Variants in NPAS3 observed in about 807,000 individuals in gnomAD.
NPAS3 encodes neuronal PAS domain protein 3.
Under a neutral mutation model 73.1 loss-of-function variants are expected in NPAS3, and 14 were observed. The observed-to-expected ratio is 0.19, with a 90% CI of 0.13 to 0.30. The LOEUF (loss-of-function observed/expected upper bound fraction) is 0.30. Ranked by LOEUF, NPAS3 falls within the 10% of genes least tolerant of loss-of-function variation. The pLI, the probability that NPAS3 is intolerant of heterozygous loss-of-function variation, is 1.00. For synonymous variants in NPAS3, 620 were observed against 541.5 expected (o/e 1.14, Z -2.01); for missense variants, 1,096 against 1,250.0 (o/e 0.88, Z 1.86).
At chr14:33,384,365 A>G (rs1340131992) in intron 4 of NPAS3, among the ~76,000 whole-genome samples, 1 of 151,774 alleles carries the variant, frequency 6.6e-6, no homozygotes, top group Non-Finnish European at 1.5e-5. Flanking sequence ...GTATTCACAC[A>G]GTATTATTTT....
intron 4 of NPAS3, among the ~76,000 whole-genome samples, chr14:33,476,240 T>C (rs2051031193): frequency 6.6e-6 from 1 of 152,230 alleles, no homozygotes; most frequent in South Asian, 2.1e-4. Flanking sequence ...AAAATATGTT[T>C]TTGACACAGT....
intron 3 of NPAS3, among the ~76,000 whole-genome samples, chr14:33,259,950 A>G (rs1306681258): frequency 6.6e-6 from 1 of 151,930 alleles, no homozygotes; most frequent in Non-Finnish European, 1.5e-5. Flanking sequence ...GCCAAAGAGG[A>G]GGAAACGAAA....
At chr14:32,978,410 T>C (rs2037774594) in intron 1 of NPAS3, among the ~76,000 whole-genome samples, 1 of 152,148 alleles carries the variant, frequency 6.6e-6, no homozygotes, top group African/African-American at 2.4e-5. Flanking sequence ...GTATTTTGCG[T>C]GAATAGAGTC....
At chr14:33,439,385 T>C (rs2049135007) in intron 4 of NPAS3, among the ~76,000 whole-genome samples, 1 of 152,218 alleles carries the variant, frequency 6.6e-6, no homozygotes, top group Non-Finnish European at 1.5e-5. Context: ...AAATTCATTG[T>C]AGTAAACACA....
intron 3 of NPAS3, among the ~76,000 whole-genome samples, chr14:33,230,946 G>A (rs1566703649): frequency 6.6e-6 from 1 of 152,104 alleles, no homozygotes; most frequent in Non-Finnish European, 1.5e-5. Context: ...CCGTGATTGT[G>A]GGAAGTTGCT....
At chr14:33,193,532 C>T (rs2046244439) in intron 2 of NPAS3, among the ~76,000 whole-genome samples, 1 of 152,124 alleles carries the variant, frequency 6.6e-6, no homozygotes, top group Non-Finnish European at 1.5e-5. Flanking sequence ...TAGAGGATGA[C>T]ATAGTGAGTG....
intron 2 of NPAS3, among the ~76,000 whole-genome samples, chr14:33,192,627 C>A (rs1292022848): frequency 2.0e-5 from 3 of 152,110 alleles, no homozygotes; most frequent in Admixed American, 2.0e-4. Flanking sequence ...GGGCATCTTA[C>A]CTTCATACGG....
intron 4 of NPAS3, among the ~76,000 whole-genome samples, chr14:33,391,815 TG>T (rs905042749): frequency 5.3e-5 from 8 of 152,218 alleles, no homozygotes; most frequent in African/African-American, 1.9e-4. Flanking sequence ...TGCTCACCCT[TG>T]GGTATATTGA....
rs771953608 is a variant in NPAS3, at chr14:33,800,149, C to G, written c.1842C>G (p.Arg614=). 1.9e-6 allele frequency: 3 copies of G among 1,595,722 alleles called. No homozygotes were observed. The highest frequency in any genetic ancestry group is 8.5e-7 in the Non-Finnish European group (1 of 1,172,274). The change falls in exon 12 of 12, where the codon CGC becomes CGG. Residue 614 remains arginine (R), a synonymous_variant. Coordinates refer to ENST00000356141, the Ensembl canonical transcript of NPAS3. The surrounding 1 kb of genome is among the most constrained non-coding windows in gnomAD (Gnocchi z 6.5). ...GGCAAAAGGGCGGCAGCGCCAGCCG[C>G]CGGCGCCTGTCCAGCGCGTCGAGCC...
chr14:33,732,770 C>T (rs569975934), intron 6 of NPAS3, among the ~76,000 whole-genome samples: 1 of 152,246 alleles, frequency 6.6e-6, no homozygotes, highest in South Asian at 2.1e-4. Flanking sequence ...TAACGTTGCC[C>T]CTGTATGTTT....
chr14:32,978,193 T>C (rs1298754617), intron 1 of NPAS3, among the ~76,000 whole-genome samples: 1 of 152,130 alleles, frequency 6.6e-6, no homozygotes, highest in Non-Finnish European at 1.5e-5. Flanking sequence ...AAGGGTCTAG[T>C]TTTTAGCTAT....
chr14:33,156,913 A>T (rs1200116236), intron 2 of NPAS3, among the ~76,000 whole-genome samples: 3 of 152,200 alleles, frequency 2.0e-5, no homozygotes, highest in African/African-American at 7.2e-5. Flanking sequence ...TTGCATTATT[A>T]ACTGATTTTA....
chr14:33,552,632 T>C (rs2055171346), intron 4 of NPAS3, among the ~76,000 whole-genome samples: 1 of 152,150 alleles, frequency 6.6e-6, no homozygotes, highest in Admixed American at 6.5e-5. Flanking sequence ...TTCGACAGGA[T>C]GTAAGGTAAA....
rs568412614 is a variant in NPAS3, at chr14:33,323,156, G to T, written c.386-44030G>T. 2.0e-5 allele frequency among the ~76,000 whole-genome samples: 3 copies of T among 152,238 alleles called. No individual in the cohort carries two copies. The South Asian group carries it at 6.2e-4, about 32-fold the overall frequency. On this transcript the variant is annotated intron_variant, in intron 3 of 11. Coordinates refer to ENST00000356141, the Ensembl canonical transcript of NPAS3. ...AAAGAATGCTTTACAGCACATCAGG[G>T]TCGCCAAGACTATTCACCCAAAGGC...
chr14:33,715,293 C>T (rs1188841277), intron 6 of NPAS3, among the ~76,000 whole-genome samples: 3 of 152,096 alleles, frequency 2.0e-5, no homozygotes, highest in Non-Finnish European at 4.4e-5. Flanking sequence ...ACCTTTGAGT[C>T]CTTGAAAGTA....
chr14:33,633,282 A>C (rs993069171), intron 5 of NPAS3, among the ~76,000 whole-genome samples: 9 of 152,180 alleles, frequency 5.9e-5, no homozygotes, highest in African/African-American at 1.7e-4. Flanking sequence ...GATGCCCTCG[A>C]ATGCAAACTT....
At chr14:33,797,279 G>T (rs139331930) in intron 10 of NPAS3, among the ~76,000 whole-genome samples, 178 bp from the exon 11 acceptor site, 2 of 152,212 alleles carry the variant, frequency 1.3e-5, no homozygotes, top group African/African-American at 4.8e-5. Flanking sequence ...CTGTGCCTTG[G>T]CACATGCAAG....
chr14:33,184,731 T>C (rs1362667324), intron 2 of NPAS3, among the ~76,000 whole-genome samples: 1 of 152,086 alleles, frequency 6.6e-6, no homozygotes, highest in Non-Finnish European at 1.5e-5. Flanking sequence ...CTGAGATTGT[T>C]AGGGGAAGAA....
chr14:33,174,287 T>G (rs889010643), intron 2 of NPAS3, among the ~76,000 whole-genome samples: 2 of 152,212 alleles, frequency 1.3e-5, no homozygotes, highest in Non-Finnish European at 2.9e-5. Context: ...GAACTGCTTA[T>G]ACAGGTTTCT....
Sources: allele counts gnomAD v4.1 joint callset (sites outside exome capture counted in the v4.1 genomes callset), GRCh38; gene constraint gnomAD v4.1.1; non-coding constraint Gnocchi (gnomAD v3.1); transcripts MANE v1.5; gene names NCBI Gene and HGNC (gene_info 2026-07-23, HGNC 2026-07-21).